Variants in QRICH1 observed in about 807,000 individuals in gnomAD.
The protein encoded by QRICH1 is glutamine rich 1, also known as transcriptional regulator QRICH1.
QRICH1 carries 16 observed loss-of-function variants against 87.1 expected under a neutral mutation model. The ratio of observed to expected loss-of-function variants is 0.18; its 90% CI spans 0.12 to 0.28. The LOEUF is 0.28. QRICH1 is among the 10% of genes least tolerant of loss of function. The pLI, the probability that QRICH1 is intolerant of heterozygous loss-of-function variation, is 1.00. For synonymous variants in QRICH1, 367 were observed against 368.4 expected (o/e 1.00, Z 0.05); for missense variants, 647 against 951.7 (o/e 0.68, Z 4.21).
intron 2 of QRICH1, 41 bp downstream of exon 2, chr3:49,076,668 A>G: frequency 7.0e-7 from 1 of 1,431,766 alleles, no homozygotes. Context: ...ACAACAAATA[A>G]AGTACATTAA....
intron 2 of QRICH1, among the ~76,000 whole-genome samples, chr3:49,066,544 A>G (rs1197987323): frequency 6.6e-6 from 1 of 150,476 alleles, no homozygotes; most frequent in Non-Finnish European, 1.5e-5. Context: ...GGCTCACTGC[A>G]ACCTCCTCCT....
chr3:49,091,208 G>A (rs1003478215), intron 1 of QRICH1, among the ~76,000 whole-genome samples: 7 of 152,160 alleles, frequency 4.6e-5, no homozygotes, highest in African/African-American at 1.7e-4. Context: ...GGGCAACAGA[G>A]CGAGACTCCG....
chr3:49,093,874 C>T (rs2042329704), intron 1 of QRICH1, 38 bp downstream of exon 1: 1 of 195,616 alleles, frequency 5.1e-6, no homozygotes, highest in Non-Finnish European at 1.0e-5. Context: ...CTCAGGCCTA[C>T]AGCTTCGCCG....
rs199703601 is a variant in QRICH1, at chr3:49,057,721, C to G, written c.479G>C (p.Ser160Thr). Residue 160 changes from serine (S) to threonine (T), a missense_variant, in exon 3 of 10, where the codon AGT (serine) becomes ACT (threonine). By Grantham distance (58) the Ser-to-Thr change is moderately conservative. Transcript: ENST00000395443. This position sits in a 1 kb window ranked among gnomAD's most constrained non-coding sequence, Gnocchi z 5.4. ...CTGAGCTGCTTGCAGCTGCGAGGGA[C>G]TGGGACTCTGCAGAGACGGGGTCTG... ...SIQTPSLQSP[S>T]PSQLQAAQIQ... is the part of the protein sequence containing the mutation. 6.2e-7 allele frequency: 1 copy of G among 1,614,186 alleles called. No homozygotes were observed. The highest frequency in any genetic ancestry group is 1.3e-5 in the African/African-American group (1 of 75,042).
intron 1 of QRICH1, chr3:49,092,285 T>G (rs2042291260): frequency 6.6e-6 from 1 of 152,044 alleles, no homozygotes; most frequent in Non-Finnish European, 1.5e-5. Context: ...TTACAGCACC[T>G]AATAGTTTCT....
chr3:49,039,735 TAAAAACAAAC>T (rs1292344459), intron 6 of QRICH1, among the ~76,000 whole-genome samples: 119 of 147,854 alleles, frequency 8.0e-4, no homozygotes, highest in East Asian at 2.6e-3. Context: ...AAAATAAACT[TAAAAACAAAC>T]AAAAACAAAC....
intron 1 of QRICH1, chr3:49,093,176 G>A (rs140675348): frequency 1.3e-5 from 2 of 152,314 alleles, no homozygotes; most frequent in Non-Finnish European, 2.9e-5. Context: ...GAAATCCGAA[G>A]GGGCTCACTG....
At chr3:49,081,817 T>C (rs530951916) in intron 1 of QRICH1, among the ~76,000 whole-genome samples, 4 of 152,004 alleles carry the variant, frequency 2.6e-5, no homozygotes, top group African/African-American at 4.8e-5. Context: ...TTCTATTTTT[T>C]TTTTTTTTGA....
intron 3 of QRICH1, among the ~76,000 whole-genome samples, chr3:49,055,783 C>T (rs559209707): frequency 6.6e-6 from 1 of 152,300 alleles, no homozygotes; most frequent in Non-Finnish European, 1.5e-5. Flanking sequence ...AGCAATTCTC[C>T]TGCTTCAGCC....
chr3:49,080,622 C>T lies in QRICH1; in HGVS notation c.-21-3584G>A, dbSNP rs114471990. 1.6e-3 allele frequency among the ~76,000 whole-genome samples: 247 copies of T among 152,178 alleles called. 1 individual carries two copies. The highest frequency in any genetic ancestry group is 2.9e-3 in the Non-Finnish European group (200 of 68,012). ...GATCCTCCTAGTAACCCTATTTCTC[C>T]TCACTCTTGTATTTCAAGTTTCAGA... On this transcript the variant is annotated intron_variant, in intron 1 of 9. Transcript: ENST00000395443.
intron 2 of QRICH1, among the ~76,000 whole-genome samples, chr3:49,065,435 T>G (rs2093462315): frequency 6.6e-6 from 1 of 152,174 alleles, no homozygotes; most frequent in South Asian, 2.1e-4. Flanking sequence ...CGTAAGCCAC[T>G]GCGCCTGACC....
chr3:49,056,838 C>T lies in QRICH1; in HGVS notation c.1338+24G>A, dbSNP rs368631318. ...GGGCCCTGAGGGACCAGGCTGCCTG[C>T]CCTACTGATAAGTCTTCACTTACTG... On this transcript the variant is annotated intron_variant, in intron 3 of 9. Coordinates refer to ENST00000395443, the MANE Select transcript of QRICH1 (RefSeq NM_198880.3). 5 of 1,613,990 alleles carry T rather than the reference C, an allele frequency of 3.1e-6. No homozygotes were observed. In the African/African-American group the frequency reaches 5.3e-5, roughly 17 times the overall value.
chr3:49,042,826 G>A (rs2093318382), intron 6 of QRICH1, among the ~76,000 whole-genome samples: 1 of 152,080 alleles, frequency 6.6e-6, no homozygotes, highest in African/African-American at 2.4e-5. Flanking sequence ...GCCCATCTCT[G>A]CCTCCCAAAG....
At chr3:49,061,509 G>C (rs928197628) in intron 2 of QRICH1, among the ~76,000 whole-genome samples, 5 of 152,232 alleles carry the variant, frequency 3.3e-5, no homozygotes, top group Non-Finnish European at 5.9e-5. Context: ...CAGACACATA[G>C]ATAAATTACC....
intron 9 of QRICH1, among the ~76,000 whole-genome samples, chr3:49,031,464 G>T (rs931096369): frequency 2.0e-5 from 3 of 152,174 alleles, no homozygotes; most frequent in Non-Finnish European, 4.4e-5. Flanking sequence ...TGCCAGGTCA[G>T]CACTAGGTGC....
chr3:49,068,191 C>T (rs1022731948), intron 2 of QRICH1, among the ~76,000 whole-genome samples: 7 of 151,742 alleles, frequency 4.6e-5, no homozygotes, highest in Non-Finnish European at 7.4e-5. Flanking sequence ...CCCCTCTCTC[C>T]ACAAAAAGTA....
At chr3:49,051,436 G>A (rs1309306944) in intron 3 of QRICH1, among the ~76,000 whole-genome samples, 2 of 151,846 alleles carry the variant, frequency 1.3e-5, no homozygotes, top group African/African-American at 2.4e-5. Context: ...AGGCCCTTAC[G>A]TGTTTGTCAA....
intron 2 of QRICH1, among the ~76,000 whole-genome samples, chr3:49,075,355 G>A (rs1462539377): frequency 6.6e-6 from 1 of 151,028 alleles, no homozygotes; most frequent in Admixed American, 6.6e-5. Flanking sequence ...AAAAAGTCAG[G>A]CGCCGTGGCT....
chr3:49,057,253 G>C lies in QRICH1; in HGVS notation c.947C>G (p.Ala316Gly). Residue 316 changes from alanine (A) to glycine (G), a missense_variant, in exon 3 of 10, where the codon GCC (alanine) becomes GGC (glycine). Physicochemically the swap from Ala to Gly is moderately conservative, Grantham distance 60. Transcript: ENST00000395443. This position sits in a 1 kb window ranked among gnomAD's most constrained non-coding sequence, Gnocchi z 5.4. The stretch of plus-strand genomic sequence containing the variant: ...CTGCTGAGGGTCCCCCCGGGGCTGG[G>C]CAGAATAAACAGGGATGGTCCAGGT... ...GETWTIPVYS[A>G]QPRGDPQQQS... 1 of 1,614,224 alleles carries C rather than the reference G, an allele frequency of 6.2e-7. No homozygotes were observed. Among genetic ancestry groups the C allele is most frequent in the Non-Finnish European group, 8.5e-7 (1 of 1,180,046 alleles).
Sources: gnomAD v4.1 joint callset for allele counts (sites outside exome capture counted in the v4.1 genomes callset) on GRCh38, gnomAD v4.1.1 for gene constraint, Gnocchi (gnomAD v3.1) non-coding constraint, MANE v1.5 for transcripts, NCBI Gene and HGNC (gene_info 2026-07-23, HGNC 2026-07-21) for gene names.